DPYD: variants seen among roughly 807,000 people sequenced by gnomAD.
The protein encoded by DPYD is dihydropyrimidine dehydrogenase, also known as dihydropyrimidine dehydrogenase [NADP(+)].
A neutral mutation model predicts 116.2 loss-of-function variants in DPYD; 109 were observed. The ratio of observed to expected loss-of-function variants is 0.94; its 90% CI spans 0.80 to 1.10. DPYD has a LOEUF of 1.10. DPYD is among the 50% of genes least tolerant of loss of function. DPYD has a pLI of 0.00. For missense variants in DPYD, 1,302 were observed against 1,254.5 expected (o/e 1.04, Z -0.57); for synonymous variants, 440 against 432.0 (o/e 1.02, Z -0.23).
intron 2 of DPYD, among the ~76,000 whole-genome samples, chr1:97,866,812 T>C (rs892739058): frequency 6.6e-6 from 1 of 151,754 alleles, no homozygotes; most frequent in African/African-American, 2.4e-5. Context: ...GCAGTATGTA[T>C]ATAAAACAAC....
At chr1:97,693,769 A>G (rs912250657) in intron 6 of DPYD, among the ~76,000 whole-genome samples, 1 of 152,196 alleles carries the variant, frequency 6.6e-6, no homozygotes, top group African/African-American at 2.4e-5. Context: ...ATACATCCAG[A>G]CACATTGTGA....
chr1:97,453,816 A>T (rs976866719), intron 13 of DPYD, among the ~76,000 whole-genome samples: 2 of 152,124 alleles, frequency 1.3e-5, no homozygotes, highest in African/African-American at 4.8e-5. Context: ...GAAAGTTATG[A>T]ATGATCTCCT....
intron 2 of DPYD, among the ~76,000 whole-genome samples, chr1:97,859,413 A>T (rs1671005948): frequency 1.3e-5 from 2 of 152,176 alleles, no homozygotes; most frequent in Admixed American, 6.5e-5. Flanking sequence ...CTCATGGGGA[A>T]CATGGGCTGT....
intron 10 of DPYD, among the ~76,000 whole-genome samples, chr1:97,590,766 G>GT (rs1252590653): frequency 6.6e-6 from 1 of 152,142 alleles, no homozygotes; most frequent in Non-Finnish European, 1.5e-5. Flanking sequence ...CTCTGATCCT[G>GT]TGCTTCTTGT....
rs1471658095 is a variant in DPYD at position 97,224,999 on chromosome 1, G to GTCTGTCTATCTA, written c.2442+9841_2442+9852dup. Among the ~76,000 whole-genome samples, 12 of 142,248 alleles carry GTCTGTCTATCTA rather than the reference G, an allele frequency of 8.4e-5. No individual in the cohort carries two copies. The South Asian group carries it at 1.8e-3, about 22-fold the overall frequency. 93.3% of individuals were successfully genotyped at this position (142,248 alleles called of 152,430 possible). On this transcript the variant is annotated intron_variant, in intron 19 of 22. Transcript: ENST00000370192. ...TACAGATCTATCTAACTATCTGTCTGTCTGTCTATCTATCTATCTATCTAT... is the reference window on the plus strand; with the variant it reads ...TACAGATCTATCTAACTATCTGTCTGTCTGTCTATCTATCTGTCTATCTATCTATCTATCTAT...
intron 8 of DPYD, among the ~76,000 whole-genome samples, chr1:97,660,090 T>C (rs1659164121): frequency 6.6e-6 from 1 of 152,156 alleles, no homozygotes; most frequent in South Asian, 2.1e-4. Flanking sequence ...GCTACTGTTC[T>C]TGTATTTAAC....
intron 11 of DPYD, 130 bp downstream of exon 11, chr1:97,573,630 T>G: frequency 2.8e-6 from 3 of 1,080,822 alleles, no homozygotes; most frequent in Non-Finnish European, 4.1e-6. Context: ...GAATCAAGAT[T>G]GCTTTTACTT....
chr1:97,536,583 G>T (rs1337519097), intron 12 of DPYD, among the ~76,000 whole-genome samples: 1 of 152,150 alleles, frequency 6.6e-6, no homozygotes, highest in Non-Finnish European at 1.5e-5. Flanking sequence ...CCTTTCTTCA[G>T]GCATTTTTAT....
rs976616193 is a variant in DPYD, at chr1:97,631,378, C to T, written c.851-36212G>A. 9.2e-5 allele frequency among the ~76,000 whole-genome samples: 14 copies of T among 152,056 alleles called. No individual in the cohort carries two copies. The South Asian group carries it at 1.0e-3, about 11-fold the overall frequency. On this transcript the variant is annotated intron_variant, in intron 8 of 22. Transcript: ENST00000370192. ...ACCCTATTTGTTGTTGGCGTTTCAACGAGCAAGACTTATTAAGGGTGAAAT... is the reference window on the plus strand; with the variant it reads ...ACCCTATTTGTTGTTGGCGTTTCAATGAGCAAGACTTATTAAGGGTGAAAT...
At chr1:97,920,863 G>C (rs1407722847) in intron 1 of DPYD, 21 bp downstream of exon 1, 3 of 1,586,036 alleles carry the variant, frequency 1.9e-6, no homozygotes, top group Non-Finnish European at 2.6e-6. Flanking sequence ...CACCACCGAC[G>C]AGCCGGCGCG....
At chr1:97,893,752 C>T (rs1299747389) in intron 1 of DPYD, among the ~76,000 whole-genome samples, 3 of 151,626 alleles carry the variant, frequency 2.0e-5, no homozygotes, top group African/African-American at 7.3e-5. Flanking sequence ...CACTCTCACA[C>T]TCAACAAGGT....
At chr1:97,353,872 G>T (rs968683510) in intron 16 of DPYD, among the ~76,000 whole-genome samples, 1 of 152,162 alleles carries the variant, frequency 6.6e-6, no homozygotes, top group African/African-American at 2.4e-5. Context: ...GATAAAGCCA[G>T]GGATTACTTC....
At chr1:97,776,863 T>C (rs1036313564) in intron 3 of DPYD, among the ~76,000 whole-genome samples, 1 of 152,222 alleles carries the variant, frequency 6.6e-6, no homozygotes, top group Admixed American at 6.5e-5. Context: ...TTAGTGTATT[T>C]TTCTTTAGGA....
intron 14 of DPYD, among the ~76,000 whole-genome samples, chr1:97,391,589 G>T (rs12043125): frequency 0.19 from 29,096 of 151,826 alleles, 2,953 homozygotes; most frequent in South Asian, 0.36. Flanking sequence ...AGTTTGAGAA[G>T]TACTGCTCTA....
intron 20 of DPYD, among the ~76,000 whole-genome samples, chr1:97,166,014 T>A (rs1242483707): frequency 6.6e-6 from 1 of 152,124 alleles, no homozygotes; most frequent in African/African-American, 2.4e-5. Context: ...GAAAGCAATG[T>A]GGAAATTCTT....
intron 1 of DPYD, among the ~76,000 whole-genome samples, chr1:97,886,544 A>G (rs1414553454): frequency 6.6e-6 from 1 of 152,098 alleles, no homozygotes; most frequent in African/African-American, 2.4e-5. Context: ...GCTATTGCCT[A>G]TACCTAGTAC....
chr1:97,613,493 A>G (rs1656074577), intron 8 of DPYD, among the ~76,000 whole-genome samples: 1 of 152,008 alleles, frequency 6.6e-6, no homozygotes, highest in African/African-American at 2.4e-5. Flanking sequence ...TTCACTCACA[A>G]AAAGTCCTTA....
chr1:97,699,359 A>C lies in DPYD; in HGVS notation c.672T>G (p.Gly224=), dbSNP rs753828034. The change falls in exon 6 of 23, where the codon GGT becomes GGG. Residue 224 remains glycine (G), a synonymous_variant. Coordinates refer to ENST00000370192, the MANE Select transcript of DPYD (RefSeq NM_000110.4). ...ATAAATGTAGGCATTACCTTAAACC[A>C]CCAACATATTCTTGTTTTTCAAATA... ...ITIFEKQEYV[G]GLSTSEIPQF... 1 of 1,613,460 alleles carries C rather than the reference A, an allele frequency of 6.2e-7. No homozygotes were observed. Among genetic ancestry groups the C allele is most frequent in the Non-Finnish European group, 8.5e-7 (1 of 1,179,488 alleles).
intron 18 of DPYD, among the ~76,000 whole-genome samples, chr1:97,288,491 A>T (rs1318164979): frequency 1.3e-5 from 2 of 152,196 alleles, no homozygotes; most frequent in African/African-American, 4.8e-5. Flanking sequence ...ACTGTCTCTC[A>T]GACAACAGTG....
Sources: allele counts gnomAD v4.1 joint callset (sites outside exome capture counted in the v4.1 genomes callset), GRCh38; gene constraint gnomAD v4.1.1; transcripts MANE v1.5; gene names NCBI Gene and HGNC (gene_info 2026-07-23, HGNC 2026-07-21).